Variants in CHODL observed in about 807,000 individuals in gnomAD.
CHODL encodes chondrolectin, also known as transmembrane protein MT75.
Under a neutral mutation model 34.5 loss-of-function variants are expected in CHODL, and 29 were observed. The observed-to-expected ratio is 0.84, with a 90% CI of 0.63 to 1.15. The LOEUF is 1.15. CHODL is among the 50% of genes most tolerant of loss of function. The probability of loss-of-function intolerance (pLI) is 0.00; values close to 1 mark genes in which losing one functional copy is unlikely to be tolerated. For synonymous variants in CHODL, 125 were observed against 116.1 expected, an observed-to-expected ratio of 1.08 and a Z score of -0.49; for missense variants, 332 against 332.5, an observed-to-expected ratio of 1.00 and a Z score of 0.01.
At chr21:18,236,662 C>A (rs73316297) in intron 2 of CHODL, among the ~76,000 whole-genome samples, 1 of 151,902 alleles carries the variant, frequency 6.6e-6, no homozygotes, top group Non-Finnish European at 1.5e-5. Flanking sequence ...CAGGCAGTTT[C>A]ATAATTCAAA....
At chr21:17,964,750 A>G (rs183897) in intron 1 of CHODL, among the ~76,000 whole-genome samples, 132,153 of 152,178 alleles carry the variant, frequency 0.87, 57,495 homozygotes, top group Middle Eastern at 0.9. Context: ...TTAACTGTCC[A>G]TCTGGATGTC....
At chr21:18,263,781 C>A (rs911982932) in intron 5 of CHODL, among the ~76,000 whole-genome samples, 3 of 152,036 alleles carry the variant, frequency 2.0e-5, no homozygotes. Context: ...CTCTTTTGAC[C>A]TTACTTCATC....
intron 3 of CHODL, among the ~76,000 whole-genome samples, chr21:18,258,857 T>C (rs1158688206): frequency 6.6e-6 from 1 of 152,092 alleles, no homozygotes; most frequent in Non-Finnish European, 1.5e-5. Context: ...TTAAATTCCT[T>C]GGTTATGTAA....
At chr21:18,092,951 A>G (rs937113562) in intron 2 of CHODL, among the ~76,000 whole-genome samples, 16 of 152,180 alleles carry the variant, frequency 1.1e-4, no homozygotes, top group Non-Finnish European at 1.9e-4. Flanking sequence ...AAACTCCCCA[A>G]ACCTAGAGAA....
chr21:18,060,375 A>G (rs564206746), intron 2 of CHODL, among the ~76,000 whole-genome samples: 1 of 152,106 alleles, frequency 6.6e-6, no homozygotes, highest in African/African-American at 2.4e-5. Context: ...GGATCACTTG[A>G]AAAGGTCGAG....
Position 18,167,230 on chromosome 21 carries a change from T to G in CHODL, c.-44-89279T>G, listed in dbSNP as rs201055989. ...CTCTCTCTGTGTGTGTGTGTGTGTG[T>G]GTGTGTGTGTGTGTGTGTGTGTGTG... On this transcript the variant is annotated intron_variant, in intron 2 of 6. Coordinates refer to the CHODL transcript ENST00000400127. Among the ~76,000 whole-genome samples, 1,222 of 122,670 alleles carry G rather than the reference T, an allele frequency of 1.0e-2. 8 individuals are homozygous for G. Among genetic ancestry groups the G allele is most frequent in the African/African-American group, 0.017 (462 of 26,916 alleles). The allele number at this position is 122,670 out of a possible 152,430, so 80.5% of individuals were successfully genotyped here.
chr21:17,970,784 G>A (rs986372941), intron 1 of CHODL, among the ~76,000 whole-genome samples: 5 of 152,006 alleles, frequency 3.3e-5, no homozygotes, highest in Non-Finnish European at 7.4e-5. Context: ...TGTGCAGAAC[G>A]TGTAGGTTTG....
chr21:17,998,029 G>A (rs2063868251), intron 1 of CHODL, among the ~76,000 whole-genome samples: 1 of 152,178 alleles, frequency 6.6e-6, no homozygotes, highest in Non-Finnish European at 1.5e-5. Flanking sequence ...GACAAGGCAA[G>A]TCCCTTCCAC....
chr21:18,214,094 A>G (rs895616618), intron 2 of CHODL, among the ~76,000 whole-genome samples: 1 of 152,074 alleles, frequency 6.6e-6, no homozygotes, highest in African/African-American at 2.4e-5. Context: ...ATAAATTTGC[A>G]ATGCCAACTT....
chr21:18,006,004 T>C (rs953471058), intron 1 of CHODL, among the ~76,000 whole-genome samples: 1 of 152,184 alleles, frequency 6.6e-6, no homozygotes, highest in Non-Finnish European at 1.5e-5. Flanking sequence ...TCCTGTGCTG[T>C]TCTCAAGATA....
intron 2 of CHODL, among the ~76,000 whole-genome samples, chr21:18,114,518 T>C (rs1301837563): frequency 1.3e-5 from 2 of 152,196 alleles, no homozygotes; most frequent in Non-Finnish European, 2.9e-5. Context: ...AATGGTGCGA[T>C]CTTGGCTCAC....
intron 2 of CHODL, among the ~76,000 whole-genome samples, chr21:18,073,425 ATC>A (rs1258892300): frequency 1.3e-5 from 2 of 152,114 alleles, no homozygotes; most frequent in Non-Finnish European, 2.9e-5. Context: ...ATTAGCTTTA[ATC>A]ATCATCCATC....
chr21:18,234,742 G>A lies in CHODL; in HGVS notation c.-44-21767G>A, dbSNP rs117268714. 7.3e-4 allele frequency among the ~76,000 whole-genome samples: 111 copies of A among 152,138 alleles called. 2 individuals carry two copies. In the East Asian group the frequency reaches 0.016, roughly 22 times the overall value. ...AAAACTTCTGCACTGAAGGCTCTGC[G>A]AAGAAACTTTATTAAATAAAATAGA... is the stretch of plus-strand genomic sequence containing the variant. On this transcript the variant is annotated intron_variant, in intron 2 of 6. Transcript: ENST00000400127.
intron 2 of CHODL, among the ~76,000 whole-genome samples, chr21:18,176,813 A>G (rs1433609971): frequency 6.6e-6 from 1 of 152,142 alleles, no homozygotes; most frequent in Non-Finnish European, 1.5e-5. Flanking sequence ...TTTTATAGAT[A>G]GGATGAAGGA....
At chr21:17,978,433 A>G in intron 1 of CHODL, among the ~76,000 whole-genome samples, 1 of 146,384 alleles carries the variant, frequency 6.8e-6, no homozygotes, top group African/African-American at 2.5e-5. Flanking sequence ...AAAAAAAAAA[A>G]AAAGGCCGGG....
chr21:18,162,964 T>C (rs1224198818), intron 2 of CHODL, among the ~76,000 whole-genome samples: 1 of 152,214 alleles, frequency 6.6e-6, no homozygotes, highest in African/African-American at 2.4e-5. Context: ...TTGATTGCTA[T>C]ACTGTGTTCC....
intron 1 of CHODL, among the ~76,000 whole-genome samples, chr21:17,973,399 C>A (rs1338591037): frequency 3.4e-5 from 5 of 145,020 alleles, no homozygotes; most frequent in Non-Finnish European, 6.0e-5. Flanking sequence ...TATGCATTTT[C>A]TTTTCTTTTC....
chr21:18,043,648 G>A (rs2064404379), intron 2 of CHODL, among the ~76,000 whole-genome samples: 1 of 151,942 alleles, frequency 6.6e-6, no homozygotes, highest in Non-Finnish European at 1.5e-5. Flanking sequence ...TCATACTCAT[G>A]CTACTTTCCT....
At chr21:18,205,120 T>C (rs1318960274) in intron 2 of CHODL, among the ~76,000 whole-genome samples, 1 of 152,194 alleles carries the variant, frequency 6.6e-6, no homozygotes, top group African/African-American at 2.4e-5. Flanking sequence ...CTTCCAGTAC[T>C]ATGTTGAATA....
Sources: gnomAD v4.1 joint callset for allele counts (sites outside exome capture counted in the v4.1 genomes callset) on GRCh38, gnomAD v4.1.1 for gene constraint, MANE v1.5 for transcripts, NCBI Gene and HGNC (gene_info 2026-07-23, HGNC 2026-07-21) for gene names.